Variants in TSHZ1 observed in about 807,000 individuals in gnomAD.
TSHZ1 encodes teashirt zinc finger homeobox 1.
In TSHZ1, 12 loss-of-function variants were observed where a neutral mutation model predicts 67.1. The ratio of observed to expected loss-of-function variants is 0.18; its 90% CI spans 0.11 to 0.29. The LOEUF is 0.29. TSHZ1 is among the 10% of genes least tolerant of loss of function. The pLI is 1.00. For missense variants in TSHZ1, 1,305 were observed against 1,413.9 expected, an observed-to-expected ratio of 0.92 and a Z score of 1.23; for synonymous variants, 632 against 622.4, an observed-to-expected ratio of 1.02 and a Z score of -0.23.
chr18:75,249,704 T>G (rs569185788), intron 1 of TSHZ1, among the ~76,000 whole-genome samples: 1 of 138,570 alleles, frequency 7.2e-6, no homozygotes, highest in East Asian at 2.2e-4. Flanking sequence ...ACTCCTGCAG[T>G]AGGTAGGGGT....
At chr18:75,239,291 T>C (rs2023123779) in intron 1 of TSHZ1, among the ~76,000 whole-genome samples, 1 of 152,246 alleles carries the variant, frequency 6.6e-6, no homozygotes, top group Non-Finnish European at 1.5e-5. Context: ...TCTGTATTAA[T>C]GGTTTTATTT....
intron 1 of TSHZ1, among the ~76,000 whole-genome samples, chr18:75,224,798 T>G (rs988859911): frequency 6.6e-6 from 1 of 151,812 alleles, no homozygotes; most frequent in African/African-American, 2.4e-5. Flanking sequence ...GAGGCCTGGG[T>G]CTTTGTTCTT....
At chr18:75,243,784 T>A (rs982150448) in intron 1 of TSHZ1, among the ~76,000 whole-genome samples, 1 of 152,214 alleles carries the variant, frequency 6.6e-6, no homozygotes, top group African/African-American at 2.4e-5. Context: ...CATTTTTTTA[T>A]GTACTATGTG....
At position 75,286,046 on chromosome 18, in the gene TSHZ1, G is replaced by A. The variant is rs779334699; in HGVS notation, c.639G>A (p.Ser213=). 32 of 1,613,288 alleles carry A rather than the reference G, an allele frequency of 2.0e-5. No individual in the cohort carries two copies. Among genetic ancestry groups the A allele is most frequent in the East Asian group, 6.7e-5 (3 of 44,856 alleles). Residue 213 remains serine, a synonymous_variant, in exon 2 of 2, where the codon TCG becomes TCA. Coordinates refer to ENST00000580243, the MANE Select transcript of TSHZ1 (RefSeq NM_001308210.2). This position sits in a 1 kb window ranked among gnomAD's most constrained non-coding sequence, Gnocchi z 5.1. Reference sequence around the variant, plus strand: ...CCAAGACGCTGCAGCAGACGTCCTCGTATGGGCTGCTTCCTGAGCCCAGCC... The same window carrying A: ...CCAAGACGCTGCAGCAGACGTCCTCATATGGGCTGCTTCCTGAGCCCAGCC... ...ALAKTLQQTS[S]YGLLPEPSLF... is the part of the protein sequence containing the mutation.
At chr18:75,243,368 C>T (rs879674980) in intron 1 of TSHZ1, among the ~76,000 whole-genome samples, 24 of 152,132 alleles carry the variant, frequency 1.6e-4, no homozygotes, top group Non-Finnish European at 2.2e-4. Context: ...ACGGATCTTG[C>T]CCTCAGTGAG....
At chr18:75,246,445 T>TGTGTGTGTGTGTGTGG (rs59065895) in intron 1 of TSHZ1, among the ~76,000 whole-genome samples, 1 of 133,574 alleles carries the variant, frequency 7.5e-6, no homozygotes, top group African/African-American at 2.8e-5. Context: ...TGTGTGTGTG[T>TGTGTGTGTGTGTGTGG]CAGAGAGAAA....
chr18:75,237,750 A>G (rs1444634726), intron 1 of TSHZ1, among the ~76,000 whole-genome samples: 4 of 151,974 alleles, frequency 2.6e-5, no homozygotes, highest in Admixed American at 2.0e-4. Context: ...ATAACTCACC[A>G]TGCGTCTCAT....
chr18:75,257,378 C>CA (rs1180115334), intron 1 of TSHZ1, among the ~76,000 whole-genome samples: 1 of 152,064 alleles, frequency 6.6e-6, no homozygotes, highest in African/African-American at 2.4e-5. Flanking sequence ...AAACAAAAAA[C>CA]AAAAAACCCA....
At chr18:75,226,266 G>T (rs916841194) in intron 1 of TSHZ1, among the ~76,000 whole-genome samples, 3 of 152,158 alleles carry the variant, frequency 2.0e-5, no homozygotes, top group Non-Finnish European at 4.4e-5. Context: ...GTCTGCAAAG[G>T]ATTGGTCCTT....
At chr18:75,257,360 G>A (rs181491060) in intron 1 of TSHZ1, among the ~76,000 whole-genome samples, 65 of 152,134 alleles carry the variant, frequency 4.3e-4, no homozygotes, top group African/African-American at 1.4e-3. Context: ...TCTTCTCATC[G>A]TGTGCCAAAA....
At chr18:75,216,777 CGTTTCAA>C (rs1264525722) in intron 1 of TSHZ1, among the ~76,000 whole-genome samples, 1 of 151,506 alleles carries the variant, frequency 6.6e-6, no homozygotes, top group African/African-American at 2.4e-5. Flanking sequence ...GTGAGGCTTA[CGTTTCAA>C]CAGAGAGCAG....
intron 1 of TSHZ1, among the ~76,000 whole-genome samples, chr18:75,250,904 C>T (rs574227664): frequency 2.0e-5 from 3 of 152,298 alleles, no homozygotes; most frequent in African/African-American, 4.8e-5. Flanking sequence ...TGAAGACCCC[C>T]GACACCTATT....
chr18:75,246,055 A>AC (rs1488237980), intron 1 of TSHZ1, among the ~76,000 whole-genome samples: 2 of 152,148 alleles, frequency 1.3e-5, no homozygotes, highest in Non-Finnish European at 2.9e-5. Flanking sequence ...CAGGCACGTC[A>AC]CCAGCACCGA....
At chr18:75,280,447 C>A (rs1029031081) in intron 1 of TSHZ1, among the ~76,000 whole-genome samples, 2 of 152,238 alleles carry the variant, frequency 1.3e-5, no homozygotes, top group African/African-American at 4.8e-5. Context: ...TACAGAGTTA[C>A]TTTTGGTCAT....
chr18:75,247,334 G>T (rs1412793214), intron 1 of TSHZ1, among the ~76,000 whole-genome samples: 2 of 152,322 alleles, frequency 1.3e-5, no homozygotes, highest in South Asian at 2.1e-4. Context: ...GCCAGGGGGG[G>T]CTGTGCCTCT....
At chr18:75,231,035 C>A (rs866055560) in intron 1 of TSHZ1, among the ~76,000 whole-genome samples, 1 of 152,226 alleles carries the variant, frequency 6.6e-6, no homozygotes, top group Non-Finnish European at 1.5e-5. Context: ...GCATCCCAGG[C>A]TGGAGGCCAG....
intron 1 of TSHZ1, among the ~76,000 whole-genome samples, chr18:75,226,319 TATTA>T (rs1403852625): frequency 4.6e-5 from 7 of 152,184 alleles, no homozygotes; most frequent in African/African-American, 1.7e-4. Context: ...TAGAACCTTC[TATTA>T]ATTCCCATTG....
At chr18:75,268,209 A>G (rs1301000542) in intron 1 of TSHZ1, among the ~76,000 whole-genome samples, 1 of 152,178 alleles carries the variant, frequency 6.6e-6, no homozygotes, top group Non-Finnish European at 1.5e-5. Context: ...TCCAATGGGC[A>G]GATTTTCCCA....
chr18:75,257,619 GAA>G (rs1010552671), intron 1 of TSHZ1, among the ~76,000 whole-genome samples: 1 of 144,400 alleles, frequency 6.9e-6, no homozygotes, highest in Admixed American at 6.9e-5. Flanking sequence ...TTCGTAGACA[GAA>G]AAAAAAAAAG....
Sources: allele counts gnomAD v4.1 joint callset (sites outside exome capture counted in the v4.1 genomes callset), GRCh38; gene constraint gnomAD v4.1.1; non-coding constraint Gnocchi (gnomAD v3.1); transcripts MANE v1.5; gene names NCBI Gene and HGNC (gene_info 2026-07-23, HGNC 2026-07-21).